Variants in PARP11 observed in about 807,000 individuals in gnomAD.
PARP11 encodes the protein protein mono-ADP-ribosyltransferase PARP11.
Under a neutral mutation model 42.9 loss-of-function variants are expected in PARP11, and 31 were observed. The ratio of observed to expected loss-of-function variants is 0.72; its 90% CI spans 0.54 to 0.98. The LOEUF is 0.98. PARP11 is among the 50% of genes least tolerant of loss of function. PARP11 has a pLI of 0.00. For synonymous variants in PARP11, 137 were observed against 127.3 expected (o/e 1.08, Z -0.51); for missense variants, 365 against 413.1 (o/e 0.88, Z 1.01).
At chr12:3,843,769 T>C (rs1591784374) in intron 1 of PARP11, among the ~76,000 whole-genome samples, 1 of 152,356 alleles carries the variant, frequency 6.6e-6, no homozygotes, top group East Asian at 1.9e-4. Context: ...TTCATCTGTG[T>C]TATTTTGTAA....
intron 1 of PARP11, chr12:3,841,370 G>A: frequency 7.6e-7 from 1 of 1,309,594 alleles, no homozygotes; most frequent in South Asian, 1.2e-5. Context: ...GCAGCCTGCA[G>A]GATGTACCCA....
chr12:3,867,048 A>C (rs1948405191), intron 1 of PARP11, among the ~76,000 whole-genome samples: 2 of 152,228 alleles, frequency 1.3e-5, no homozygotes, highest in African/African-American at 4.8e-5. Flanking sequence ...ATCAGTGAAA[A>C]CTTATAGTAC....
At chr12:3,837,000 G>A (rs1468063863) in intron 1 of PARP11, among the ~76,000 whole-genome samples, 1 of 152,170 alleles carries the variant, frequency 6.6e-6, no homozygotes, top group Non-Finnish European at 1.5e-5. Context: ...GAAGCACTGG[G>A]AGTACCTGAA....
chr12:3,815,192 A>C (rs58512506), intron 6 of PARP11: 45,176 of 413,222 alleles, frequency 0.11, 2,764 homozygotes, highest in African/African-American at 0.14. Flanking sequence ...ATTAAAAAGA[A>C]TCCCCTCCCC....
chr12:3,827,146 T>G (rs1947544371), intron 3 of PARP11, among the ~76,000 whole-genome samples: 1 of 152,158 alleles, frequency 6.6e-6, no homozygotes, highest in Non-Finnish European at 1.5e-5. Flanking sequence ...TTAGTTTACT[T>G]TTCACCATTT....
rs377153218 is a variant in PARP11 at position 3,809,592 on chromosome 12, G to A, written c.*2531C>T. The A allele has an allele frequency of 9.2e-5, 14 of 152,164 alleles. No homozygotes were observed. Among genetic ancestry groups the A allele is most frequent in the African/African-American group, 3.4e-4 (14 of 41,430 alleles). 9.4% of individuals were successfully genotyped at this position (152,164 alleles called of 1,614,324 possible). ...AAAACAACTCCCAAATGCTGTAACA[G>A]TTTTTCCATTCAAGTGCTGAGAGAG... is the stretch of plus-strand genomic sequence containing the variant. On this transcript the variant is annotated 3_prime_UTR_variant, in exon 8 of 8. Transcript: ENST00000228820.
At chr12:3,872,858 G>T (rs961866561) in intron 1 of PARP11, 19 of 959,788 alleles carry the variant, frequency 2.0e-5, no homozygotes, top group Admixed American at 6.2e-5. Flanking sequence ...CCCGGGAGAC[G>T]GAGGTTGCGG....
Position 3,873,313 on chromosome 12 carries a change from G to C in PARP11, c.-84C>G. 7.4e-7 allele frequency: 1 copy of C among 1,350,096 alleles called. No homozygotes were observed. The highest frequency in any genetic ancestry group is 1.0e-6 in the Non-Finnish European group (1 of 964,288). 83.6% of individuals were successfully genotyped at this position (1,350,096 alleles called of 1,614,324 possible). On this transcript the variant is annotated 5_prime_UTR_variant, in exon 1 of 8. Coordinates refer to ENST00000228820, the MANE Select transcript of PARP11 (RefSeq NM_020367.6). Reference sequence around the variant, plus strand: ...GTGTTGGATTTTTTTTTTTCCCGCGGGTCCCCGGGAGCGAAGGGACGGAGA... The same window carrying C: ...GTGTTGGATTTTTTTTTTTCCCGCGCGTCCCCGGGAGCGAAGGGACGGAGA...
At chr12:3,820,277 A>T (rs751912901) in intron 6 of PARP11, among the ~76,000 whole-genome samples, 1 of 152,222 alleles carries the variant, frequency 6.6e-6, no homozygotes, top group Non-Finnish European at 1.5e-5. Flanking sequence ...GGATGGACTC[A>T]CGTGGGCCTG....
intron 1 of PARP11, chr12:3,841,199 A>G (rs957007689): frequency 6.5e-7 from 1 of 1,533,612 alleles, no homozygotes; most frequent in Non-Finnish European, 9.0e-7. Flanking sequence ...GAAAAGGGAG[A>G]TCGAGCCATT....
chr12:3,829,459 G>T (rs1270563930), intron 2 of PARP11, among the ~76,000 whole-genome samples: 1 of 152,184 alleles, frequency 6.6e-6, no homozygotes, highest in Non-Finnish European at 1.5e-5. Flanking sequence ...GTCAACTTTT[G>T]TGAGTTTCAC....
At chr12:3,862,665 G>A (rs368023728) in intron 1 of PARP11, among the ~76,000 whole-genome samples, 9 of 151,132 alleles carry the variant, frequency 6.0e-5, no homozygotes, top group East Asian at 5.8e-4. Context: ...CTGCATATGG[G>A]TATCCAATTG....
intron 6 of PARP11, 102 bp from the exon 7 acceptor site, chr12:3,814,290 G>C: frequency 1.2e-6 from 1 of 853,220 alleles, no homozygotes; most frequent in Non-Finnish European, 1.6e-6. Context: ...CGTAAAACAG[G>C]AAATACTTTA....
chr12:3,823,135 AT>A (rs1356982405), intron 4 of PARP11, among the ~76,000 whole-genome samples: 6 of 152,224 alleles, frequency 3.9e-5, no homozygotes, highest in Non-Finnish European at 8.8e-5. Flanking sequence ...AAATTAATAA[AT>A]TTCAAACCGA....
At chr12:3,821,728 C>A (rs924528180) in intron 6 of PARP11, 145 bp downstream of exon 6, 2 of 792,656 alleles carry the variant, frequency 2.5e-6, no homozygotes, top group African/African-American at 1.8e-5. Flanking sequence ...CCTGAGAATG[C>A]TGAAGAGCCT....
At chr12:3,836,207 C>T (rs949761833) in intron 1 of PARP11, among the ~76,000 whole-genome samples, 5 of 151,894 alleles carry the variant, frequency 3.3e-5, no homozygotes, top group Non-Finnish European at 7.4e-5. Flanking sequence ...TTAAAATCAG[C>T]AAGAGAAAAA....
At position 3,840,500 on chromosome 12, in the gene PARP11, C is replaced by A. The variant is rs1947862916; in HGVS notation, c.19-10482G>T. ...TCTAGTCATTCTTCAGGGTCACAGTCTCAGAAATTCTCCAGTGAGCACAAA... is the reference window on the plus strand; with the variant it reads ...TCTAGTCATTCTTCAGGGTCACAGTATCAGAAATTCTCCAGTGAGCACAAA... On this transcript the variant is annotated intron_variant, in intron 1 of 7. Coordinates refer to ENST00000228820, the MANE Select transcript of PARP11 (RefSeq NM_020367.6). This position sits in a 1 kb window ranked among gnomAD's most constrained non-coding sequence, Gnocchi z 4.4. 1 of 1,612,718 alleles carries A rather than the reference C, an allele frequency of 6.2e-7. No homozygotes were observed. Among genetic ancestry groups the A allele is most frequent in the East Asian group, 2.2e-5 (1 of 44,878 alleles).
intron 1 of PARP11, among the ~76,000 whole-genome samples, chr12:3,867,401 T>C (rs1249060077): frequency 3.9e-5 from 6 of 152,194 alleles, no homozygotes; most frequent in Admixed American, 3.9e-4. Context: ...GACAAGTTTC[T>C]GAAATGAGGG....
At chr12:3,828,816 T>C (rs1282293754) in intron 3 of PARP11, 94 bp downstream of exon 3, 13 of 1,113,778 alleles carry the variant, frequency 1.2e-5, no homozygotes, top group African/African-American at 1.6e-5. Context: ...ACTTCACTGT[T>C]TGCAAATATA....
Sources: allele counts gnomAD v4.1 joint callset (sites outside exome capture counted in the v4.1 genomes callset), GRCh38; gene constraint gnomAD v4.1.1; non-coding constraint Gnocchi (gnomAD v3.1); transcripts MANE v1.5; gene names NCBI Gene and HGNC (gene_info 2026-07-23, HGNC 2026-07-21).